ITGA10: variants seen among roughly 807,000 people sequenced by gnomAD.
ITGA10 encodes the protein integrin subunit alpha 10.
A neutral mutation model predicts 145.2 loss-of-function variants in ITGA10; 105 were observed. That is an observed-to-expected ratio of 0.72 (90% CI 0.62 to 0.85). The LOEUF is 0.85. ITGA10 is among the 40% of genes least tolerant of loss of function. The pLI is 0.00. For missense variants in ITGA10, 1,317 were observed against 1,444.5 expected, an observed-to-expected ratio of 0.91 and a Z score of 1.43; for synonymous variants, 506 against 557.8, an observed-to-expected ratio of 0.91 and a Z score of 1.31.
chr1:145,905,113 C>T (rs1553750653), intron 5 of ITGA10, among the ~76,000 whole-genome samples: 2 of 151,790 alleles, frequency 1.3e-5, no homozygotes, highest in Admixed American at 1.3e-4. Flanking sequence ...ATACAATGTT[C>T]TAAAAAACAA....
At chr1:145,900,243 C>T in intron 14 of ITGA10, 56 bp from the exon 15 acceptor site, 1 of 1,517,924 alleles carries the variant, frequency 6.6e-7, no homozygotes, top group South Asian at 1.3e-5. Flanking sequence ...GTTTCTCAGG[C>T]CTCCTGCCTT....
Position 145,901,846 on chromosome 1 carries a change from T to G in ITGA10, c.1294+31A>C. On this transcript the variant is annotated intron_variant, in intron 11 of 29. Transcript: ENST00000369304. The surrounding 1 kb of genome is among the most constrained non-coding windows in gnomAD (Gnocchi z 4.3). ...TAGGGATGTATTTCCTCCCCTACCC[T>G]GTAAGTCCTCTGCAACTCTCTGCTG... 1 of 1,613,618 alleles carries G rather than the reference T, an allele frequency of 6.2e-7. No individual in the cohort carries two copies. The highest frequency in any genetic ancestry group is 8.5e-7 in the Non-Finnish European group (1 of 1,179,762).
chr1:145,899,911 C>T (rs1398372385), intron 15 of ITGA10, 146 bp downstream of exon 15: 1 of 727,960 alleles, frequency 1.4e-6, no homozygotes, highest in Non-Finnish European at 2.2e-6. Context: ...AAGGTAGGTA[C>T]TATTACTACT....
At chr1:145,908,229 C>T (rs1476823497) in intron 1 of ITGA10, among the ~76,000 whole-genome samples, 2 of 152,058 alleles carry the variant, frequency 1.3e-5, no homozygotes, top group African/African-American at 4.8e-5. Flanking sequence ...ATGTCTGGCT[C>T]TCTCCTTCTC....
chr1:145,899,157 T>C lies in ITGA10; in HGVS notation c.2089+18A>G, dbSNP rs1553746779. ...GCAAGGAATTGAGAGTTGCCTGTGA[T>C]GCATTTTAGTCACTCACAGAATTGG... On this transcript the variant is annotated intron_variant, in intron 16 of 29. Transcript: ENST00000369304. 1 of 1,614,178 alleles carries C rather than the reference T, an allele frequency of 6.2e-7. No homozygotes were observed. Among genetic ancestry groups the C allele is most frequent in the Non-Finnish European group, 8.5e-7 (1 of 1,180,018 alleles).
In ITGA10 at chr1:145,893,200, C is replaced by T. The variant is rs370313086; in HGVS notation, c.3399G>A (p.Gly1133=). The T allele has an allele frequency of 6.2e-7, 1 of 1,613,986 alleles. No individual in the cohort carries two copies. The highest frequency in any genetic ancestry group is 1.3e-5 in the African/African-American group (1 of 74,902). ...AGACAAGGAGAGCAAGCAGGAGCAA[C>T]CCTCCCAGGACACTGCCTATGAGGA... ...LWILIGSVLG[G]LLLLALLVFC... Residue 1133 remains glycine (G), a synonymous_variant, in exon 29 of 30, where the codon GGG becomes GGA. Coordinates refer to ENST00000369304, the MANE Select transcript of ITGA10 (RefSeq NM_003637.5).
Position 145,905,172 on chromosome 1 carries a change from G to C in ITGA10, c.482-361C>G, listed in dbSNP as rs1036489687. Among the ~76,000 whole-genome samples, 22 of 152,226 alleles carry C rather than the reference G, an allele frequency of 1.4e-4. No individual in the cohort carries two copies. In the South Asian group the frequency reaches 2.5e-3, roughly 17 times the overall value. On this transcript the variant is annotated intron_variant, in intron 5 of 29. Transcript: ENST00000369304. ...AACATAGCAATGACTGTATGGTGGG[G>C]GAACAAAAGCAGAGTGGTTCTGATG...
Position 145,902,235 on chromosome 1 carries a change from A to G in ITGA10, c.1149+11T>C, listed in dbSNP as rs1553749067. 4 of 1,613,840 alleles carry G rather than the reference A, an allele frequency of 2.5e-6. No homozygotes were observed. Among genetic ancestry groups the G allele is most frequent in the Non-Finnish European group, 3.4e-6 (4 of 1,179,714 alleles). On this transcript the variant is annotated intron_variant, in intron 10 of 29. Transcript: ENST00000369304. ...AATGGGAGAAGTAATGAAGGGGTCA[A>G]TCTGTCCAACCTTTAGCCGATGAGT...
chr1:145,906,717 C>T lies in ITGA10; in HGVS notation c.366+16G>A. The stretch of plus-strand genomic sequence containing the variant: ...GGACCTTCAGAGACACTGCCACCAC[C>T]CTCTCCTTAGCTCACCATGAATCCC... On this transcript the variant is annotated intron_variant, in intron 4 of 29. Coordinates refer to ENST00000369304, the MANE Select transcript of ITGA10 (RefSeq NM_003637.5). The T allele has an allele frequency of 7.0e-6, 11 of 1,582,320 alleles. No individual in the cohort carries two copies. The highest frequency in any genetic ancestry group is 6.9e-6 in the Non-Finnish European group (8 of 1,151,374).
At position 145,893,141 on chromosome 1, in the gene ITGA10, C is replaced by T; in HGVS notation, c.3438+20G>A. ...CTCATGGGCATCATGCTCCACACTC[C>T]CCACTAAAGCAGTGCTTACCTTCCA... On this transcript the variant is annotated intron_variant, in intron 29 of 29. Transcript: ENST00000369304. 2 of 1,535,018 alleles carry T rather than the reference C, an allele frequency of 1.3e-6. No individual in the cohort carries two copies. Among genetic ancestry groups the T allele is most frequent in the Non-Finnish European group, 1.8e-6 (2 of 1,107,934 alleles).
rs1348881634 is a variant in ITGA10, at chr1:145,903,022, CAT to C, written c.759-63_759-62del. The C allele has an allele frequency of 4.6e-3, 2,679 of 583,848 alleles. 2 individuals are homozygous for C. The highest frequency in any genetic ancestry group is 0.011 in the Middle Eastern group (27 of 2,502). 36.2% of individuals were successfully genotyped at this position (583,848 alleles called of 1,614,324 possible). A position where few individuals can be genotyped will look rare whatever the true frequency, so the allele number is the denominator to read the frequency against. Reference sequence around the variant, plus strand: ...ATGCAGACACACACACACACACACACATACACACACACACACACACACACACA... The same window carrying C: ...ATGCAGACACACACACACACACACACACACACACACACACACACACACACA... On this transcript the variant is annotated intron_variant, in intron 7 of 29. Transcript: ENST00000369304.
Position 145,901,017 on chromosome 1 carries a change from G to A in ITGA10, c.1588-24C>T, listed in dbSNP as rs1553748095. On this transcript the variant is annotated intron_variant, in intron 13 of 29. Transcript: ENST00000369304. This position sits in a 1 kb window ranked among gnomAD's most constrained non-coding sequence, Gnocchi z 4.3. The stretch of plus-strand genomic sequence containing the variant: ...TGCTGGTGGAGGAGAGAAGATAGAA[G>A]ATGCTAATCTGGCAGACCCAACCTC... The A allele has an allele frequency of 6.2e-7, 1 of 1,613,746 alleles. No individual in the cohort carries two copies. The highest frequency in any genetic ancestry group is 8.5e-7 in the Non-Finnish European group (1 of 1,179,740).
In ITGA10 at chr1:145,892,864, C is replaced by A; in HGVS notation, c.3439-1G>T. On this transcript the variant is annotated splice_acceptor_variant, in intron 29 of 29. Coordinates refer to ENST00000369304, the MANE Select transcript of ITGA10 (RefSeq NM_003637.5). LOFTEE classifies it high-confidence loss of function. ...TTTTCTTATGGGCAAAGAAGCCAAG[C>A]TGTAGAAGAAAAGATAAGCGTCACT... 1 of 1,613,338 alleles carries A rather than the reference C, an allele frequency of 6.2e-7. No individual in the cohort carries two copies. The highest frequency in any genetic ancestry group is 1.3e-5 in the African/African-American group (1 of 74,888).
Position 145,907,149 on chromosome 1 carries a change from T to C in ITGA10, c.166A>G (p.Met56Val), listed in dbSNP as rs782294721. 1 of 1,559,516 alleles carries C rather than the reference T, an allele frequency of 6.4e-7. No individual in the cohort carries two copies. The highest frequency in any genetic ancestry group is 8.7e-7 in the Non-Finnish European group (1 of 1,150,948). The change falls in exon 3 of 30, where the codon ATG (methionine) becomes GTG (valine). Residue 56 changes from methionine (M) to valine (V), a missense_variant and splice_region_variant. Coordinates refer to ENST00000369304, the MANE Select transcript of ITGA10 (RefSeq NM_003637.5). ...CCATCCCAGGGGGCGCCCACCAGCA[T>C]CCTGGGAAGAGGATGTGAATGTAAG... The part of the protein sequence containing the change: ...LQHVGGGQRW[M>V]LVGAPWDGPS...
At chr1:145,899,378 A>C (rs371179457) in intron 15 of ITGA10, 37 bp from the exon 16 acceptor site, 49 of 1,600,868 alleles carry the variant, frequency 3.1e-5, no homozygotes, top group Middle Eastern at 1.9e-4. Context: ...TAGCAGTAGG[A>C]GGTAAGCCCT....
intron 21 of ITGA10, 50 bp downstream of exon 21, chr1:145,897,197 C>T (rs973022835): frequency 6.3e-7 from 1 of 1,594,336 alleles, no homozygotes; most frequent in Non-Finnish European, 8.6e-7. Flanking sequence ...CCCTCAGATC[C>T]CAGCCTCTGC....
In ITGA10 at chr1:145,893,272, G is replaced by C. The variant is rs930238258; in HGVS notation, c.3327C>G (p.Ser1109Arg). The C allele has an allele frequency of 7.5e-6, 12 of 1,607,140 alleles. No homozygotes were observed. Among genetic ancestry groups the C allele is most frequent in the Non-Finnish European group, 1.0e-5 (12 of 1,173,706 alleles). The change falls in exon 29 of 30, where the codon AGC becomes AGG. Residue 1109 changes from serine (S) to arginine (R), a missense_variant and splice_region_variant. Coordinates refer to ENST00000369304, the MANE Select transcript of ITGA10 (RefSeq NM_003637.5). ...QLTEASRWSE[S>R]LLEVVQTRPI... is the part of the protein sequence containing the mutation. ...GCCGGGTCTGAACCACCTCCAAGAG[G>C]CTCTGCGTGGACAGAAGAGTAGTTT... is the stretch of plus-strand genomic sequence containing the variant.
chr1:145,902,450 T>C lies in ITGA10; in HGVS notation c.1075+4A>G. On this transcript the variant is annotated splice_donor_region_variant and intron_variant, in intron 9 of 29. Transcript: ENST00000369304. ...CCTGTCCATTTCTCCAGAGTAATCC[T>C]CACCTTCAAGGCCAAAAATCCGATC... The C allele has an allele frequency of 1.2e-6, 2 of 1,610,232 alleles. No individual in the cohort carries two copies. Among genetic ancestry groups the C allele is most frequent in the Non-Finnish European group, 1.7e-6 (2 of 1,178,060 alleles).
At chr1:145,894,809 A>C (rs1182038506) in intron 27 of ITGA10, among the ~76,000 whole-genome samples, 1 of 152,262 alleles carries the variant, frequency 6.6e-6, no homozygotes, top group African/African-American at 2.4e-5. Context: ...TAGCAAAAAT[A>C]TGTTAAGCGC....
Sources: gnomAD v4.1 joint callset for allele counts (sites outside exome capture counted in the v4.1 genomes callset) on GRCh38, gnomAD v4.1.1 for gene constraint, Gnocchi (gnomAD v3.1) non-coding constraint, MANE v1.5 for transcripts, NCBI Gene and HGNC (gene_info 2026-07-23, HGNC 2026-07-21) for gene names.